Variants in KCNMB2 observed in about 807,000 individuals in gnomAD.
The protein encoded by KCNMB2 is potassium calcium-activated channel subfamily M regulatory beta subunit 2.
A neutral mutation model predicts 24.5 loss-of-function variants in KCNMB2; 9 were observed. The ratio of observed to expected loss-of-function variants is 0.37; its 90% CI spans 0.22 to 0.64. The LOEUF (loss-of-function observed/expected upper bound fraction) is 0.64, where lower values mean the gene tolerates loss of function less well. Ranked by LOEUF, KCNMB2 falls within the 30% of genes least tolerant of loss-of-function variation. The probability of loss-of-function intolerance (pLI) is 0.63; values close to 1 mark genes in which losing one functional copy is unlikely to be tolerated. For missense variants in KCNMB2, 226 were observed against 284.3 expected (o/e 0.79, Z 1.47); for synonymous variants, 109 against 104.4 (o/e 1.04, Z -0.27).
chr3:178,557,778 G>C (rs919441435), intron 1 of KCNMB2, among the ~76,000 whole-genome samples: 2 of 152,194 alleles, frequency 1.3e-5, no homozygotes, highest in Non-Finnish European at 2.9e-5. Flanking sequence ...AAATCAGTGA[G>C]AATTCATCCT....
rs183148535 is a variant in KCNMB2, at chr3:178,564,608, G to A, written c.-68+27897G>A. ...GGTGATTTACATGCATTGCCTTATC[G>A]AATCCCCATATTAATCTTGAGAAAA... On this transcript the variant is annotated intron_variant, in intron 1 of 4. Coordinates refer to ENST00000452583, the MANE Select transcript of KCNMB2 (RefSeq NM_181361.3). Among the ~76,000 whole-genome samples, 144 of 152,200 alleles carry A rather than the reference G, an allele frequency of 9.5e-4. 1 individual carries two copies. The highest frequency in any genetic ancestry group is 1.4e-3 in the Non-Finnish European group (95 of 68,000).
At chr3:178,732,146 G>A (rs1328476372) in intron 1 of KCNMB2, among the ~76,000 whole-genome samples, 2 of 152,132 alleles carry the variant, frequency 1.3e-5, no homozygotes, top group East Asian at 3.8e-4. Flanking sequence ...AAAAATTTGC[G>A]AGATACAACA....
chr3:178,611,065 T>C (rs1365658495), intron 1 of KCNMB2, among the ~76,000 whole-genome samples: 4 of 152,242 alleles, frequency 2.6e-5, no homozygotes, highest in Admixed American at 2.6e-4. Context: ...GTATTTATTC[T>C]TCATTCAATA....
chr3:178,698,516 T>C (rs1418731452), intron 1 of KCNMB2, among the ~76,000 whole-genome samples: 1 of 152,246 alleles, frequency 6.6e-6, no homozygotes, highest in African/African-American at 2.4e-5. Context: ...AACTCCTGCA[T>C]TGTTTTACCA....
At chr3:178,636,203 A>G (rs978210886) in intron 1 of KCNMB2, among the ~76,000 whole-genome samples, 2 of 152,214 alleles carry the variant, frequency 1.3e-5, no homozygotes, top group African/African-American at 4.8e-5. Flanking sequence ...CTCAAAAAAG[A>G]TCCCTTCAGC....
chr3:178,600,380 G>A (rs926969492), intron 1 of KCNMB2, among the ~76,000 whole-genome samples: 6 of 152,164 alleles, frequency 3.9e-5, no homozygotes, highest in African/African-American at 1.4e-4. Context: ...GAACATGCGT[G>A]TGCAAATATC....
At chr3:178,649,373 T>C (rs1335370469) in intron 1 of KCNMB2, among the ~76,000 whole-genome samples, 1 of 152,170 alleles carries the variant, frequency 6.6e-6, no homozygotes, top group African/African-American at 2.4e-5. Context: ...AGAAGCTTTT[T>C]GCATATTATG....
intron 1 of KCNMB2, among the ~76,000 whole-genome samples, chr3:178,649,471 A>G (rs1404393460): frequency 6.6e-6 from 1 of 150,796 alleles, no homozygotes; most frequent in East Asian, 1.9e-4. Context: ...TCTTTGGTAG[A>G]ATTCGGCTGT....
chr3:178,726,861 T>C (rs1224712228), intron 1 of KCNMB2, among the ~76,000 whole-genome samples: 1 of 152,096 alleles, frequency 6.6e-6, no homozygotes, highest in Non-Finnish European at 1.5e-5. Flanking sequence ...TATTAATTTG[T>C]CTTTCTCCCA....
At chr3:178,588,439 ATCT>A (rs1286097443) in intron 1 of KCNMB2, among the ~76,000 whole-genome samples, 2 of 152,064 alleles carry the variant, frequency 1.3e-5, no homozygotes, top group Non-Finnish European at 2.9e-5. Context: ...CTCAAATGAA[ATCT>A]TCTTCATTTA....
At chr3:178,834,241 T>C (rs1451013678) in intron 4 of KCNMB2, among the ~76,000 whole-genome samples, 1 of 152,178 alleles carries the variant, frequency 6.6e-6, no homozygotes, top group Non-Finnish European at 1.5e-5. Flanking sequence ...GTGTGGGGCT[T>C]TTCCCCACAC....
At chr3:178,569,047 CAGG>C (rs1220849398) in intron 1 of KCNMB2, among the ~76,000 whole-genome samples, 1 of 152,074 alleles carries the variant, frequency 6.6e-6, no homozygotes, top group Admixed American at 6.6e-5. Flanking sequence ...GTAAAAATAT[CAGG>C]AGTTGACTGG....
chr3:178,564,410 A>G (rs1359350430), intron 1 of KCNMB2, among the ~76,000 whole-genome samples: 1 of 152,212 alleles, frequency 6.6e-6, no homozygotes, highest in Non-Finnish European at 1.5e-5. Flanking sequence ...TGTAGGTCTG[A>G]ATATCATAGG....
At chr3:178,558,865 C>T (rs1716214910) in intron 1 of KCNMB2, 1 of 152,180 alleles carries the variant, frequency 6.6e-6, no homozygotes, top group South Asian at 2.1e-4. Context: ...TTTTCTTAAT[C>T]CTATCCAAGT....
At chr3:178,572,412 T>C (rs1051856248) in intron 1 of KCNMB2, among the ~76,000 whole-genome samples, 1 of 152,216 alleles carries the variant, frequency 6.6e-6, no homozygotes, top group African/African-American at 2.4e-5. Context: ...TTTTTATCTA[T>C]ATGCTACTCT....
At chr3:178,835,293 G>A (rs2108474924) in intron 4 of KCNMB2, among the ~76,000 whole-genome samples, 1 of 152,136 alleles carries the variant, frequency 6.6e-6, no homozygotes, top group Non-Finnish European at 1.5e-5. Flanking sequence ...ACTTGGAACG[G>A]TCCACTTGCC....
chr3:178,613,999 TC>T (rs1718589664), intron 1 of KCNMB2, among the ~76,000 whole-genome samples: 1 of 151,496 alleles, frequency 6.6e-6, no homozygotes, highest in Non-Finnish European at 1.5e-5. Context: ...TCTATGTTTT[TC>T]TTTTTTCTCC....
intron 1 of KCNMB2, among the ~76,000 whole-genome samples, chr3:178,621,754 A>G (rs1358197111): frequency 6.6e-6 from 1 of 152,248 alleles, no homozygotes; most frequent in African/African-American, 2.4e-5. Flanking sequence ...AAATAAAAAA[A>G]CACATAAGTA....
intron 1 of KCNMB2, among the ~76,000 whole-genome samples, chr3:178,627,661 A>C (rs1175707365): frequency 1.3e-5 from 2 of 152,194 alleles, no homozygotes; most frequent in Non-Finnish European, 2.9e-5. Context: ...ATTTAAGGTC[A>C]CAGGAAAAAA....
Sources: gnomAD v4.1 joint callset for allele counts (sites outside exome capture counted in the v4.1 genomes callset) on GRCh38, gnomAD v4.1.1 for gene constraint, MANE v1.5 for transcripts, NCBI Gene and HGNC (gene_info 2026-07-23, HGNC 2026-07-21) for gene names.